The following PDE11A variants were observed in gnomAD, a reference collection of about 807,000 sequenced individuals.
PDE11A encodes the protein dual 3',5'-cyclic-AMP and -GMP phosphodiesterase 11A.
In PDE11A, 100 loss-of-function variants were observed where a neutral mutation model predicts 100.5. The ratio of observed to expected loss-of-function variants is 1.00; its 90% confidence interval spans 0.85 to 1.18. PDE11A has a LOEUF of 1.18. PDE11A is among the 50% of genes most tolerant of loss of function. The pLI is 0.00. For synonymous variants in PDE11A, 381 were observed against 420.8 expected, an observed-to-expected ratio of 0.91 and a Z score of 1.16; for missense variants, 1,141 against 1,152.6, an observed-to-expected ratio of 0.99 and a Z score of 0.15.
chr2:177,977,279 A>G (rs1307071545), intron 2 of PDE11A, among the ~76,000 whole-genome samples: 2 of 141,018 alleles, frequency 1.4e-5, no homozygotes, highest in African/African-American at 5.2e-5. Context: ...AATCACAAGC[A>G]TTCTTATACA....
rs143723070 is a variant in PDE11A at position 177,757,980 on chromosome 2, T to A, written c.1788+11343A>T. Among the ~76,000 whole-genome samples, 485 of 152,130 alleles carry A rather than the reference T, an allele frequency of 3.2e-3. 4 individuals are homozygous for A. The East Asian group carries it at 0.046, about 14-fold the overall frequency. On this transcript the variant is annotated intron_variant, in intron 10 of 19. Transcript: ENST00000286063. ...GATGGAAACATCATCCTGAATTACA[T>A]GACAGTCTTAGAATATTCTCTGTGG...
At chr2:178,086,749 G>A (rs736842) in intron 2 of PDE11A, among the ~76,000 whole-genome samples, 31,354 of 152,088 alleles carry the variant, frequency 0.21, 3,349 homozygotes, top group African/African-American at 0.26. Context: ...GACAACAGTC[G>A]TTAAAAGTGT....
chr2:177,650,537 A>T (rs2080292110), intron 19 of PDE11A, among the ~76,000 whole-genome samples: 1 of 152,090 alleles, frequency 6.6e-6, no homozygotes, highest in South Asian at 2.1e-4. Flanking sequence ...ATCTTGGTTC[A>T]CCATGCTGCC....
chr2:177,922,664 A>G, intron 2 of PDE11A: 1 of 981,258 alleles, frequency 1.0e-6, no homozygotes, highest in Non-Finnish European at 1.2e-6. Context: ...GCTTCCTTTA[A>G]TCATCACTTC....
At chr2:177,836,838 G>A (rs1469313763) in intron 6 of PDE11A, among the ~76,000 whole-genome samples, 2 of 152,170 alleles carry the variant, frequency 1.3e-5, no homozygotes, top group Non-Finnish European at 2.9e-5. Flanking sequence ...AAGGTCTGCA[G>A]CTTCACTCCT....
intron 2 of PDE11A, among the ~76,000 whole-genome samples, chr2:178,009,342 G>C (rs537311598): frequency 6.6e-6 from 1 of 152,124 alleles, no homozygotes; most frequent in African/African-American, 2.4e-5. Flanking sequence ...AGAAAATTCC[G>C]ATCATCTCTC....
intron 2 of PDE11A, among the ~76,000 whole-genome samples, chr2:177,979,873 G>A (rs1240624657): frequency 6.7e-6 from 1 of 150,180 alleles, no homozygotes; most frequent in Non-Finnish European, 1.5e-5. Flanking sequence ...GCCTCTCAAA[G>A]TGCTGGGATT....
intron 2 of PDE11A, among the ~76,000 whole-genome samples, chr2:177,927,929 AC>A (rs1238359518): frequency 1.3e-5 from 2 of 151,806 alleles, no homozygotes; most frequent in Non-Finnish European, 2.9e-5. Flanking sequence ...ACATGGAGAA[AC>A]CCCGTCTCTA....
chr2:177,835,560 C>T lies in PDE11A; in HGVS notation c.1500+4691G>A, dbSNP rs182519918. On this transcript the variant is annotated intron_variant, in intron 6 of 19. Transcript: ENST00000286063. ...TCTTGGCACCTCCTTGGCCTTGGCG[C>T]CCACTCTGGCCACACTATAGGAGCT... is the stretch of plus-strand genomic sequence containing the variant. Among the ~76,000 whole-genome samples the T allele has an allele frequency of 3.8e-4, 58 of 152,330 alleles. 1 individual carries two copies. In the East Asian group the frequency reaches 0.01, roughly 27 times the overall value.
In PDE11A at chr2:177,623,451, A is replaced by G. The variant is rs1033866386; in HGVS notation, c.*5956T>C. The stretch of plus-strand genomic sequence containing the variant: ...AAACGTATTTCCTTTCTTTCGTGTA[A>G]AACAATAATAATTAGGAAGGAAGTC... On this transcript the variant is annotated 3_prime_UTR_variant, in exon 20 of 20. Transcript: ENST00000286063. 3.9e-5 allele frequency: 6 copies of G among 152,258 alleles called. No homozygotes were observed. Among genetic ancestry groups the G allele is most frequent in the Admixed American group, 1.3e-4 (2 of 15,290 alleles). 9.4% of individuals were successfully genotyped at this position (152,258 alleles called of 1,614,324 possible). A position where few individuals can be genotyped will look rare whatever the true frequency, so the allele number is the denominator to read the frequency against.
At chr2:177,704,085 T>C (rs530142723) in intron 13 of PDE11A, among the ~76,000 whole-genome samples, 1 of 152,332 alleles carries the variant, frequency 6.6e-6, no homozygotes, top group African/African-American at 2.4e-5. Flanking sequence ...CATGAAAGTG[T>C]GGGGAGACTT....
intron 5 of PDE11A, among the ~76,000 whole-genome samples, chr2:177,865,096 T>C (rs2084005262): frequency 1.3e-5 from 2 of 152,218 alleles, no homozygotes; most frequent in Admixed American, 1.3e-4. Flanking sequence ...CTGGCCAACA[T>C]GGCAAAACCC....
intron 1 of PDE11A, among the ~76,000 whole-genome samples, chr2:178,035,070 A>G (rs1461784649): frequency 1.3e-5 from 2 of 152,196 alleles, no homozygotes; most frequent in African/African-American, 2.4e-5. Context: ...CCTTCGAAAA[A>G]AATCAATGAA....
intron 10 of PDE11A, among the ~76,000 whole-genome samples, chr2:177,758,429 T>C (rs2082123498): frequency 6.6e-6 from 1 of 152,212 alleles, no homozygotes; most frequent in Non-Finnish European, 1.5e-5. Flanking sequence ...AGGTGGTGTC[T>C]TTGTGAACGT....
At chr2:177,875,802 C>T in intron 5 of PDE11A, 57 bp downstream of exon 5, 1 of 1,083,828 alleles carries the variant, frequency 9.2e-7, no homozygotes, top group South Asian at 1.2e-5. Context: ...TTATGCAATG[C>T]TGCTAACACC....
intron 2 of PDE11A, among the ~76,000 whole-genome samples, chr2:178,101,537 C>T (rs1017169301): frequency 6.6e-6 from 1 of 152,156 alleles, no homozygotes; most frequent in Admixed American, 6.5e-5. Flanking sequence ...TTTCTGTTCC[C>T]AGAGGTCAGA....
At chr2:177,955,739 C>T (rs2085553372) in intron 2 of PDE11A, among the ~76,000 whole-genome samples, 1 of 152,118 alleles carries the variant, frequency 6.6e-6, no homozygotes, top group South Asian at 2.1e-4. Context: ...AGAACAGAGC[C>T]CTCAGAAATA....
rs192255208 is a variant in PDE11A, at chr2:178,072,272, C to A, written c.166G>T (p.Ala56Ser). 6.2e-7 allele frequency: 1 copy of A among 1,613,732 alleles called. No individual in the cohort carries two copies. The highest frequency in any genetic ancestry group is 2.2e-5 in the East Asian group (1 of 44,850). The change falls in exon 1 of 20, where the codon GCT (alanine) becomes TCT (serine). Residue 56 changes from alanine to serine, a missense_variant. By Grantham distance (99) the Ala-to-Ser change is moderately conservative. Coordinates refer to ENST00000286063, the MANE Select transcript of PDE11A (RefSeq NM_016953.4). ...QGALGPRPSLAGTSSLAHSTC... is the reference protein window; with the variant it reads ...QGALGPRPSLSGTSSLAHSTC... ...CTGTGAGCCAAGCTGCTGGTACCAG[C>A]CAAAGAGGGCCTTGGACCTAAAGCC...
chr2:178,060,584 G>A (rs997975976), intron 1 of PDE11A, among the ~76,000 whole-genome samples: 56 of 152,096 alleles, frequency 3.7e-4, no homozygotes, highest in African/African-American at 1.3e-3. Context: ...GTAAAATATG[G>A]CACAGCCCTT....
Sources: allele counts gnomAD v4.1 joint callset (sites outside exome capture counted in the v4.1 genomes callset), GRCh38; gene constraint gnomAD v4.1.1; transcripts MANE v1.5; gene names NCBI Gene and HGNC (gene_info 2026-07-23, HGNC 2026-07-21).